SPAG16: variants seen among roughly 807,000 people sequenced by gnomAD.
SPAG16 encodes sperm associated antigen 16, also known as sperm-associated antigen 16 protein.
SPAG16 carries 86 observed loss-of-function variants against 80.4 expected under a neutral mutation model. That is an observed-to-expected ratio of 1.07 (90% CI 0.90 to 1.28). SPAG16 has a LOEUF of 1.28. SPAG16 is among the 50% of genes most tolerant of loss of function. The pLI, the probability that SPAG16 is intolerant of heterozygous loss-of-function variation, is 0.00. For missense variants in SPAG16, 870 were observed against 765.3 expected (o/e 1.14, Z -1.61); for synonymous variants, 294 against 265.9 (o/e 1.11, Z -1.03).
chr2:214,108,053 A>G, intron 13 of SPAG16, 143 bp from the exon 14 acceptor site: 1 of 606,072 alleles, frequency 1.6e-6, no homozygotes, highest in Non-Finnish European at 2.9e-6. Flanking sequence ...GTTGATAGCA[A>G]AAGCTAGAAT....
At chr2:213,931,187 G>T (rs1208019384) in intron 12 of SPAG16, among the ~76,000 whole-genome samples, 3 of 152,156 alleles carry the variant, frequency 2.0e-5, no homozygotes, top group Non-Finnish European at 4.4e-5. Context: ...ATAGGTGCAA[G>T]TTCCGTTTCC....
At chr2:213,854,200 G>A (rs1469870084) in intron 10 of SPAG16, among the ~76,000 whole-genome samples, 2 of 152,100 alleles carry the variant, frequency 1.3e-5, no homozygotes, top group Non-Finnish European at 2.9e-5. Context: ...AGAAAACATC[G>A]TTTAATTGTA....
chr2:213,696,488 C>T (rs2065158618), intron 10 of SPAG16, among the ~76,000 whole-genome samples: 1 of 152,022 alleles, frequency 6.6e-6, no homozygotes, highest in Non-Finnish European at 1.5e-5. Context: ...ACATCCCTGG[C>T]TCACTCTAAT....
intron 14 of SPAG16, among the ~76,000 whole-genome samples, chr2:214,115,768 C>T (rs1223137718): frequency 1.3e-5 from 2 of 150,972 alleles, no homozygotes. Flanking sequence ...GTCCCAGCTA[C>T]TCAGGAGGCT....
chr2:213,438,136 T>C (rs1307322502), intron 9 of SPAG16, among the ~76,000 whole-genome samples: 2 of 152,222 alleles, frequency 1.3e-5, no homozygotes, highest in Non-Finnish European at 2.9e-5. Flanking sequence ...TTGGCTTTTT[T>C]GCCTGTTATC....
chr2:213,909,456 A>T (rs572173838), intron 11 of SPAG16, among the ~76,000 whole-genome samples: 231 of 152,296 alleles, frequency 1.5e-3, no homozygotes, highest in African/African-American at 5.4e-3. Flanking sequence ...TGGAGGCATC[A>T]CGCTACCTGA....
chr2:214,254,157 G>T (rs1346861014), intron 15 of SPAG16, among the ~76,000 whole-genome samples: 1 of 151,912 alleles, frequency 6.6e-6, no homozygotes, highest in Non-Finnish European at 1.5e-5. Context: ...CTTTGCTGAA[G>T]TTGCTTATCA....
chr2:213,530,595 C>T (rs1327697790), intron 10 of SPAG16, among the ~76,000 whole-genome samples: 1 of 152,184 alleles, frequency 6.6e-6, no homozygotes, highest in African/African-American at 2.4e-5. Context: ...CTCTCTTGAA[C>T]TGTTTCTGTT....
chr2:214,073,232 CTTT>C (rs67988930), intron 13 of SPAG16, among the ~76,000 whole-genome samples: 1 of 141,098 alleles, frequency 7.1e-6, no homozygotes. Flanking sequence ...GAAATTTTTT[CTTT>C]TTTTTTTTTT....
In SPAG16 at chr2:213,706,323, A is replaced by G. The variant is rs1383145068; in HGVS notation, c.1071-156162A>G. 3.9e-5 allele frequency among the ~76,000 whole-genome samples: 6 copies of G among 152,222 alleles called. No individual in the cohort carries two copies. In the South Asian group the frequency reaches 1.0e-3, roughly 26 times the overall value. On this transcript the variant is annotated intron_variant, in intron 10 of 15. Coordinates refer to ENST00000331683, the MANE Select transcript of SPAG16 (RefSeq NM_024532.5). Reference sequence around the variant, plus strand: ...TAATGGTTGAGTGAATAAAACTTCTACTAGCTTACTTTCATTTCTAGAACT... The same window carrying G: ...TAATGGTTGAGTGAATAAAACTTCTGCTAGCTTACTTTCATTTCTAGAACT...
At chr2:214,170,830 C>CT (rs2056845941) in intron 15 of SPAG16, among the ~76,000 whole-genome samples, 1 of 152,042 alleles carries the variant, frequency 6.6e-6, no homozygotes, top group African/African-American at 2.4e-5. Flanking sequence ...TGTGCCAACT[C>CT]TAACAGCCCA....
intron 14 of SPAG16, among the ~76,000 whole-genome samples, chr2:214,134,472 G>T (rs1260992514): frequency 1.3e-5 from 2 of 152,126 alleles, no homozygotes. Context: ...ATATTTTACT[G>T]ATTTATTTAA....
intron 12 of SPAG16, among the ~76,000 whole-genome samples, chr2:213,946,175 T>C (rs1308694112): frequency 6.6e-6 from 1 of 152,072 alleles, no homozygotes; most frequent in Non-Finnish European, 1.5e-5. Flanking sequence ...AGTGCAGTGG[T>C]ACCATCTTGG....
In SPAG16 at chr2:214,149,286, A is replaced by G; in HGVS notation, c.1720+20A>G. ...CATCAGGTAGGATCATTTTTGTCTA[A>G]TGTTTCTGACTAAGCCAATAACATT... On this transcript the variant is annotated intron_variant, in intron 15 of 15. Transcript: ENST00000331683. 2.6e-6 allele frequency: 4 copies of G among 1,528,940 alleles called. No individual in the cohort carries two copies. The highest frequency in any genetic ancestry group is 3.5e-6 in the Non-Finnish European group (4 of 1,136,458). The allele number at this position is 1,528,940 out of a possible 1,614,324, so 94.7% of individuals were successfully genotyped here.
intron 1 of SPAG16, among the ~76,000 whole-genome samples, chr2:213,290,875 C>T (rs1444635553): frequency 6.6e-6 from 1 of 152,184 alleles, no homozygotes; most frequent in African/African-American, 2.4e-5. Flanking sequence ...ACATACAGTA[C>T]TCCATCACAT....
intron 10 of SPAG16, among the ~76,000 whole-genome samples, chr2:213,699,310 C>T (rs1353204909): frequency 1.3e-5 from 2 of 152,122 alleles, no homozygotes; most frequent in Non-Finnish European, 2.9e-5. Flanking sequence ...ATAGTCCAGA[C>T]CACTCTTTGC....
intron 12 of SPAG16, among the ~76,000 whole-genome samples, chr2:213,967,852 T>A (rs2044786179): frequency 6.6e-6 from 1 of 152,230 alleles, no homozygotes; most frequent in African/African-American, 2.4e-5. Flanking sequence ...AGGCCAATTT[T>A]ATGGGACTTG....
chr2:213,303,991 A>G (rs914888034), intron 3 of SPAG16, among the ~76,000 whole-genome samples: 1 of 152,016 alleles, frequency 6.6e-6, no homozygotes, highest in Non-Finnish European at 1.5e-5. Context: ...ACTAATTTAC[A>G]TTTCCACTAA....
intron 10 of SPAG16, among the ~76,000 whole-genome samples, chr2:213,640,219 T>C (rs184005253): frequency 3.3e-5 from 5 of 152,348 alleles, no homozygotes; most frequent in Admixed American, 3.3e-4. Flanking sequence ...AGCTTAATAA[T>C]TGACCTTCTG....
Sources: allele counts gnomAD v4.1 joint callset (sites outside exome capture counted in the v4.1 genomes callset), GRCh38; gene constraint gnomAD v4.1.1; transcripts MANE v1.5; gene names NCBI Gene and HGNC (gene_info 2026-07-23, HGNC 2026-07-21).